Variants in ARMC2 observed in about 807,000 individuals in gnomAD.
ARMC2 encodes the protein armadillo repeat-containing protein 2.
Under a neutral mutation model 90.3 loss-of-function variants are expected in ARMC2, and 67 were observed. The ratio of observed to expected loss-of-function variants is 0.74; its 90% CI spans 0.61 to 0.91. The LOEUF is 0.91. ARMC2 is among the 40% of genes least tolerant of loss of function. The pLI, the probability that ARMC2 is intolerant of heterozygous loss-of-function variation, is 0.00. For missense variants in ARMC2, 920 were observed against 1,030.9 expected, an observed-to-expected ratio of 0.89 and a Z score of 1.47; for synonymous variants, 393 against 393.0, an observed-to-expected ratio of 1.00 and a Z score of 0.00.
chr6:108,973,396 T>A lies in ARMC2; in HGVS notation c.2486T>A (p.Leu829Gln). Residue 829 changes from leucine to glutamine, a missense_variant, in exon 18 of 18, where the codon CTA (leucine) becomes CAA (glutamine). Leu to Gln is a moderately radical substitution (Grantham distance 113, BLOSUM62 -2). Transcript: ENST00000392644. ...CTGGATGGCAGTTTTGATCCAGACC[T>A]AAAAAACTATCACAAACTCCATTGG... ...LALDGSFDPD[L>Q]KNYHKLHWET... 1.2e-6 allele frequency: 2 copies of A among 1,613,832 alleles called. No individual in the cohort carries two copies. The highest frequency in any genetic ancestry group is 1.7e-6 in the Non-Finnish European group (2 of 1,179,756).
chr6:108,965,692 T>C (rs973002987), intron 17 of ARMC2, among the ~76,000 whole-genome samples: 1 of 152,124 alleles, frequency 6.6e-6, no homozygotes, highest in Non-Finnish European at 1.5e-5. Context: ...TCATCCAGGA[T>C]GGAATACAGT....
the ARMC2 span, among the ~76,000 whole-genome samples, chr6:108,997,968 G>A: frequency 6.6e-6 from 1 of 152,146 alleles, no homozygotes; most frequent in Non-Finnish European, 1.5e-5. Flanking sequence ...AGAGGTGAAA[G>A]CATTTTAACA....
At chr6:108,886,671 T>C (rs1482592978) in intron 5 of ARMC2, among the ~76,000 whole-genome samples, 4 of 152,208 alleles carry the variant, frequency 2.6e-5, no homozygotes, top group Non-Finnish European at 5.9e-5. Context: ...GCCCTTGAGC[T>C]AATAATGGTT....
chr6:108,970,077 A>G (rs1398505519), intron 17 of ARMC2, among the ~76,000 whole-genome samples: 1 of 152,148 alleles, frequency 6.6e-6, no homozygotes, highest in African/African-American at 2.4e-5. Flanking sequence ...TTTTTACTCA[A>G]TCAGCCTCTG....
In ARMC2 at chr6:108,936,086, G is replaced by A. The variant is rs544472495; in HGVS notation, c.1497-814G>A. The stretch of plus-strand genomic sequence containing the variant: ...TGTGGGTTTGTCAATATTGCCTTAC[G>A]GGTTTTGTTTGCTTGCTTGCTTACT... On this transcript the variant is annotated intron_variant, in intron 11 of 17. Coordinates refer to ENST00000392644, the MANE Select transcript of ARMC2 (RefSeq NM_032131.6). Among the ~76,000 whole-genome samples the A allele has an allele frequency of 2.0e-3, 300 of 152,192 alleles. 1 individual carries two copies. Among genetic ancestry groups the A allele is most frequent in the African/African-American group, 6.7e-3 (280 of 41,552 alleles).
the ARMC2 span, among the ~76,000 whole-genome samples, chr6:109,042,537 A>C: frequency 1.3e-5 from 2 of 151,606 alleles, no homozygotes; most frequent in African/African-American, 2.4e-5. Context: ...TTGCGAAAAA[A>C]AAAAAACAAA....
At chr6:108,902,802 T>A (rs950950471) in intron 7 of ARMC2, among the ~76,000 whole-genome samples, 3 of 152,194 alleles carry the variant, frequency 2.0e-5, no homozygotes, top group African/African-American at 7.2e-5. Context: ...AGAGATAATA[T>A]TATTTGACAG....
chr6:108,902,118 A>C (rs928172761), intron 7 of ARMC2, among the ~76,000 whole-genome samples: 1 of 152,338 alleles, frequency 6.6e-6, no homozygotes, highest in African/African-American at 2.4e-5. Context: ...TAATGAATAC[A>C]TATCTTGGGG....
chr6:109,009,042 G>A, the ARMC2 span: 20 of 977,366 alleles, frequency 2.0e-5, no homozygotes, highest in African/African-American at 2.9e-4. Flanking sequence ...TTGTCCAGAC[G>A]ACAATGTTAT....
At chr6:108,885,652 T>C (rs182466949) in intron 5 of ARMC2, among the ~76,000 whole-genome samples, 6 of 148,976 alleles carry the variant, frequency 4.0e-5, no homozygotes, top group Non-Finnish European at 8.9e-5. Context: ...CCAGCCTGGG[T>C]GACAGAGTGA....
chr6:108,912,784 G>A (rs1049900579), intron 10 of ARMC2, among the ~76,000 whole-genome samples: 2 of 152,138 alleles, frequency 1.3e-5, no homozygotes, highest in Non-Finnish European at 2.9e-5. Flanking sequence ...CACAGCATGC[G>A]CTTTCACTGC....
the ARMC2 span, among the ~76,000 whole-genome samples, chr6:108,983,720 C>T: frequency 6.6e-6 from 1 of 152,142 alleles, no homozygotes; most frequent in Non-Finnish European, 1.5e-5. Flanking sequence ...TTTGGCTATT[C>T]AGGGTCCATT....
the ARMC2 span, among the ~76,000 whole-genome samples, chr6:109,036,264 G>A: frequency 6.6e-6 from 1 of 152,172 alleles, no homozygotes; most frequent in Non-Finnish European, 1.5e-5. Context: ...TTATAGTTCA[G>A]CAAACCTATG....
intron 1 of ARMC2, among the ~76,000 whole-genome samples, chr6:108,852,541 T>C (rs1774116361): frequency 6.6e-6 from 1 of 152,194 alleles, no homozygotes; most frequent in African/African-American, 2.4e-5. Context: ...TTGACCTGAG[T>C]AAATGTTCCT....
intron 15 of ARMC2, among the ~76,000 whole-genome samples, chr6:108,963,102 CAAAT>C (rs1778114567): frequency 6.6e-6 from 1 of 152,090 alleles, no homozygotes; most frequent in Non-Finnish European, 1.5e-5. Context: ...TATTTATTAT[CAAAT>C]AAGAATTGTT....
intron 5 of ARMC2, among the ~76,000 whole-genome samples, chr6:108,881,054 C>T (rs1777495506): frequency 6.6e-6 from 1 of 151,944 alleles, no homozygotes; most frequent in Non-Finnish European, 1.5e-5. Flanking sequence ...TGGGGTTTCA[C>T]CATGTTGGCC....
the ARMC2 span, among the ~76,000 whole-genome samples, chr6:109,012,945 C>A: frequency 6.6e-6 from 1 of 151,110 alleles, no homozygotes; most frequent in Non-Finnish European, 1.5e-5. Flanking sequence ...GAAACCCCGT[C>A]TCTACTGAAA....
the ARMC2 span, chr6:108,988,585 T>G: frequency 6.2e-7 from 1 of 1,613,234 alleles, no homozygotes; most frequent in Non-Finnish European, 8.5e-7. Flanking sequence ...TATCATACAT[T>G]CTTTTGGTAA....
chr6:109,047,480 A>G, the ARMC2 span, among the ~76,000 whole-genome samples: 1 of 130,158 alleles, frequency 7.7e-6, no homozygotes, highest in Admixed American at 7.2e-5. Flanking sequence ...TGGGGGGGTC[A>G]GCCCCCTGCC....
Sources: allele counts gnomAD v4.1 joint callset (sites outside exome capture counted in the v4.1 genomes callset), GRCh38; gene constraint gnomAD v4.1.1; transcripts MANE v1.5; gene names NCBI Gene and HGNC (gene_info 2026-07-23, HGNC 2026-07-21).